Variants in STX11 observed in about 807,000 individuals in gnomAD.
STX11 encodes the protein syntaxin-11.
Under a neutral mutation model 19.9 loss-of-function variants are expected in STX11, and 21 were observed. That is an observed-to-expected ratio of 1.06 (90% CI 0.75 to 1.52). STX11 has a LOEUF of 1.52. Ranked by LOEUF, STX11 falls within the 40% of genes most tolerant of loss-of-function variation. The probability of loss-of-function intolerance (pLI) is 0.00; values close to 1 mark genes in which losing one functional copy is unlikely to be tolerated. For missense variants in STX11, 438 were observed against 405.9 expected (o/e 1.08, Z -0.68); for synonymous variants, 193 against 174.4 (o/e 1.11, Z -0.84).
Position 144,159,516 on chromosome 6 carries a change from CTGTG to C in STX11, c.-6+8831_-6+8834del, listed in dbSNP as rs10532315. ...TGGTTGAGCTAGTTCAAAATTGACT[CTGTG>C]TGTGTGTGTGTGTGTGTCCGTCCAG... is the stretch of plus-strand genomic sequence containing the variant. On this transcript the variant is annotated intron_variant, in intron 1 of 1. Coordinates refer to ENST00000367568, the MANE Select transcript of STX11 (RefSeq NM_003764.4). This position sits in a 1 kb window ranked among gnomAD's most constrained non-coding sequence, Gnocchi z 4.3. 0.073 allele frequency among the ~76,000 whole-genome samples: 10,945 copies of C among 150,286 alleles called. 1,128 individuals are homozygous for C. Among genetic ancestry groups the C allele is most frequent in the African/African-American group, 0.23 (9,271 of 41,166 alleles).
rs1801814031 is a variant in STX11, at chr6:144,177,866, A to C, written c.-5-8757A>C. Among the ~76,000 whole-genome samples, 1 of 152,144 alleles carries C rather than the reference A, an allele frequency of 6.6e-6. No individual in the cohort carries two copies. Among genetic ancestry groups the C allele is most frequent in the Non-Finnish European group, 1.5e-5 (1 of 68,020 alleles). ...ATTCTGTTATTTCAGAGAGTTAATA[A>C]TTTTATGGATTTTTTTTAAAGTTGT... On this transcript the variant is annotated intron_variant, in intron 1 of 1. Transcript: ENST00000367568. The surrounding 1 kb of genome is among the most constrained non-coding windows in gnomAD (Gnocchi z 4.4).
At chr6:144,156,022 CTCTCCT>C (rs1562655647) in intron 1 of STX11, among the ~76,000 whole-genome samples, 2 of 127,752 alleles carry the variant, frequency 1.6e-5, no homozygotes, top group African/African-American at 7.8e-5. Flanking sequence ...TTCTCTCTTT[CTCTCCT>C]TCCTTCCTTC....
At chr6:144,164,094 A>G (rs1801415960) in intron 1 of STX11, among the ~76,000 whole-genome samples, 1 of 152,224 alleles carries the variant, frequency 6.6e-6, no homozygotes. Flanking sequence ...ATAAATACTC[A>G]ATAAATACTT....
upstream of STX11, among the ~76,000 whole-genome samples, chr6:144,149,133 T>C (rs1800931863): frequency 6.6e-6 from 1 of 152,236 alleles, no homozygotes. The surrounding 1 kb of genome is among the most constrained non-coding windows in gnomAD (Gnocchi z 5.1). Flanking sequence ...GTAGTGTCTG[T>C]CGGCTTTCTC....
the STX11 span, among the ~76,000 whole-genome samples, chr6:144,143,476 A>G: frequency 6.6e-6 from 1 of 152,196 alleles, no homozygotes; most frequent in Admixed American, 6.5e-5. Flanking sequence ...TTTGACTGAG[A>G]ATCACAAGTA....
In STX11 at chr6:144,184,894, T is replaced by C. The variant is rs72992187; in HGVS notation, c.-5-1729T>C. Among the ~76,000 whole-genome samples the C allele has an allele frequency of 9.2e-3, 1,408 of 152,346 alleles. 9 individuals carry two copies. Among genetic ancestry groups the C allele is most frequent in the Non-Finnish European group, 0.012 (826 of 68,032 alleles). On this transcript the variant is annotated intron_variant, in intron 1 of 1. Coordinates refer to ENST00000367568, the MANE Select transcript of STX11 (RefSeq NM_003764.4). This position sits in a 1 kb window ranked among gnomAD's most constrained non-coding sequence, Gnocchi z 6.5. ...AAGTATCTTAACCTCTTGTCTGTCATATATTATAATTTCTCCCCAGTTGGT... is the reference window on the plus strand; with the variant it reads ...AAGTATCTTAACCTCTTGTCTGTCACATATTATAATTTCTCCCCAGTTGGT...
chr6:144,173,467 T>C (rs186154894), intron 1 of STX11, among the ~76,000 whole-genome samples: 1 of 152,346 alleles, frequency 6.6e-6, no homozygotes, highest in African/African-American at 2.4e-5. Flanking sequence ...GAATTGTTTC[T>C]TCCAGTTGAA....
At chr6:144,140,212 AT>A in the STX11 span, among the ~76,000 whole-genome samples, 38,635 of 80,668 alleles carry the variant, frequency 0.48, 7,788 homozygotes, top group African/African-American at 0.63. Context: ...CAATTCACAT[AT>A]ATATATATAT....
Position 144,172,744 on chromosome 6 carries a change from A to T in STX11, c.-5-13879A>T, listed in dbSNP as rs187904575. Among the ~76,000 whole-genome samples the T allele has an allele frequency of 3.4e-4, 52 of 152,304 alleles. No homozygotes were observed. Among genetic ancestry groups the T allele is most frequent in the African/African-American group, 1.3e-3 (52 of 41,564 alleles). On this transcript the variant is annotated intron_variant, in intron 1 of 1. Transcript: ENST00000367568. This position sits in a 1 kb window ranked among gnomAD's most constrained non-coding sequence, Gnocchi z 4.2. ...TATGCCTGATCTGCATGAGATCTAG[A>T]TACAGTTCAGACTCCTCAGAGATAG...
At position 144,189,995 on chromosome 6, in the gene STX11, A is replaced by G. The variant is rs1562673593; in HGVS notation, c.*2504A>G. 6.6e-6 allele frequency among the ~76,000 whole-genome samples: 1 copy of G among 152,168 alleles called. No homozygotes were observed. Among genetic ancestry groups the G allele is most frequent in the African/African-American group, 2.4e-5 (1 of 41,440 alleles). On this transcript the variant is annotated 3_prime_UTR_variant, in exon 2 of 2. Coordinates refer to ENST00000367568, the MANE Select transcript of STX11 (RefSeq NM_003764.4). Reference sequence around the variant, plus strand: ...TTTGACATGTTTGAACCCATAAAGCATTTTCTTTGCTTGGAACCATTATAA... The same window carrying G: ...TTTGACATGTTTGAACCCATAAAGCGTTTTCTTTGCTTGGAACCATTATAA...
chr6:144,185,006 G>A (rs1164256539), intron 1 of STX11, among the ~76,000 whole-genome samples: 1 of 152,134 alleles, frequency 6.6e-6, no homozygotes, highest in Admixed American at 6.5e-5. Flanking sequence ...TTGGTCCAGG[G>A]TGGATCTTTT....
chr6:144,164,763 G>A (rs1334699916), intron 1 of STX11, among the ~76,000 whole-genome samples: 1 of 151,918 alleles, frequency 6.6e-6, no homozygotes, highest in South Asian at 2.1e-4. Context: ...GCACAATCTC[G>A]GCTCACTGCA....
At chr6:144,168,238 C>T (rs1801532475) in intron 1 of STX11, among the ~76,000 whole-genome samples, 1 of 152,182 alleles carries the variant, frequency 6.6e-6, no homozygotes, top group Non-Finnish European at 1.5e-5. Context: ...CAAATATTTC[C>T]TCCAGAGTCA....
chr6:144,165,209 C>CT lies in STX11; in HGVS notation c.-6+14509dup. On this transcript the variant is annotated intron_variant, in intron 1 of 1. Transcript: ENST00000367568. The surrounding 1 kb of genome is among the most constrained non-coding windows in gnomAD (Gnocchi z 5.8). ...GTGGCTCACGCCTGTAATCCCAGCACTTTGGGAGGCTGAGGCGGGCAGATC... is the reference window on the plus strand; with the variant it reads ...GTGGCTCACGCCTGTAATCCCAGCACTTTTGGGAGGCTGAGGCGGGCAGATC... Among the ~76,000 whole-genome samples the CT allele has an allele frequency of 1.3e-5, 2 of 152,062 alleles. No individual in the cohort carries two copies. The highest frequency in any genetic ancestry group is 2.9e-5 in the Non-Finnish European group (2 of 67,974).
In STX11 at chr6:144,167,244, T is replaced by C. The variant is rs530580920; in HGVS notation, c.-6+16541T>C. 2.6e-5 allele frequency among the ~76,000 whole-genome samples: 4 copies of C among 152,350 alleles called. No homozygotes were observed. The East Asian group carries it at 7.7e-4, about 29-fold the overall frequency. ...TTTCATGTTAAACAATTCTGTCTTA[T>C]TTGATTTATTATTACAAGTTGAGTA... On this transcript the variant is annotated intron_variant, in intron 1 of 1. Transcript: ENST00000367568. This position sits in a 1 kb window ranked among gnomAD's most constrained non-coding sequence, Gnocchi z 5.0.
rs1801671504 is a variant in STX11 at position 144,172,721 on chromosome 6, T to C, written c.-5-13902T>C. On this transcript the variant is annotated intron_variant, in intron 1 of 1. Transcript: ENST00000367568. The surrounding 1 kb of genome is among the most constrained non-coding windows in gnomAD (Gnocchi z 4.2). ...ATTAGCCTCGAAGTCTAGAGACTTATGCCTGATCTGCATGAGATCTAGATA... is the reference window on the plus strand; with the variant it reads ...ATTAGCCTCGAAGTCTAGAGACTTACGCCTGATCTGCATGAGATCTAGATA... Among the ~76,000 whole-genome samples the C allele has an allele frequency of 6.6e-6, 1 of 152,230 alleles. No individual in the cohort carries two copies. Among genetic ancestry groups the C allele is most frequent in the Admixed American group, 6.5e-5 (1 of 15,284 alleles).
At chr6:144,149,194 A>C (rs559452590), upstream of STX11, among the ~76,000 whole-genome samples, 85 of 152,350 alleles carry the variant, frequency 5.6e-4, no homozygotes, top group African/African-American at 1.9e-3. This position sits in a 1 kb window ranked among gnomAD's most constrained non-coding sequence, Gnocchi z 5.1. Flanking sequence ...TTTTGGAGGA[A>C]GTCACTGTGC....
rs555738896 is a variant in STX11, at chr6:144,187,372, G to T, written c.745G>T (p.Val249Leu). Residue 249 changes from valine to leucine, a missense_variant, in exon 2 of 2, where the codon GTA becomes TTA. By Grantham distance (32) the Val-to-Leu change is conservative. Coordinates refer to ENST00000367568, the MANE Select transcript of STX11 (RefSeq NM_003764.4). The surrounding 1 kb of genome is among the most constrained non-coding windows in gnomAD (Gnocchi z 5.6). ...ADTLNVIELN[V>L]QKTVDYTGQA... ...CACCCTGAACGTCATCGAGCTCAAC[G>T]TACAAAAGACGGTCGACTACACCGG... 2 of 1,610,520 alleles carry T rather than the reference G, an allele frequency of 1.2e-6. No homozygotes were observed.
rs1801281405 is a variant in STX11 at position 144,159,588 on chromosome 6, A to G, written c.-6+8885A>G. Among the ~76,000 whole-genome samples the G allele has an allele frequency of 6.6e-6, 1 of 152,148 alleles. No homozygotes were observed. The highest frequency in any genetic ancestry group is 2.4e-5 in the African/African-American group (1 of 41,432). ...TACAGGAAAATGACGCCTTCATTTA[A>G]TGAGGTAAAATAGGTAACAAGGAAC... On this transcript the variant is annotated intron_variant, in intron 1 of 1. Coordinates refer to ENST00000367568, the MANE Select transcript of STX11 (RefSeq NM_003764.4). This position sits in a 1 kb window ranked among gnomAD's most constrained non-coding sequence, Gnocchi z 4.3.
Sources: allele counts gnomAD v4.1 joint callset (sites outside exome capture counted in the v4.1 genomes callset), GRCh38; gene constraint gnomAD v4.1.1; non-coding constraint Gnocchi (gnomAD v3.1); transcripts MANE v1.5; gene names NCBI Gene and HGNC (gene_info 2026-07-23, HGNC 2026-07-21).